Variants in FOXP1 observed in about 807,000 individuals in gnomAD.
FOXP1 encodes forkhead box protein P1.
Under a neutral mutation model 98.2 loss-of-function variants are expected in FOXP1, and 15 were observed. The ratio of observed to expected loss-of-function variants is 0.15; its 90% CI spans 0.10 to 0.24. The LOEUF (loss-of-function observed/expected upper bound fraction) is 0.24, where lower values mean the gene tolerates loss of function less well. Ranked by LOEUF, FOXP1 falls within the 10% of genes least tolerant of loss-of-function variation. The probability of loss-of-function intolerance (pLI) is 1.00; values close to 1 mark genes in which losing one functional copy is unlikely to be tolerated. For synonymous variants in FOXP1, 371 were observed against 314.5 expected (o/e 1.18, Z -1.90); for missense variants, 633 against 848.5 (o/e 0.75, Z 3.15).
At chr3:71,036,979 C>G (rs2047680383) in intron 11 of FOXP1, among the ~76,000 whole-genome samples, 1 of 152,118 alleles carries the variant, frequency 6.6e-6, no homozygotes, top group African/African-American at 2.4e-5. Flanking sequence ...TACTATTTTG[C>G]AGACTAAAAC....
At chr3:71,533,409 ACATTT>A (rs1168039150) in intron 2 of FOXP1, among the ~76,000 whole-genome samples, 1 of 152,248 alleles carries the variant, frequency 6.6e-6, no homozygotes, top group Admixed American at 6.5e-5. Flanking sequence ...ATTCTTAATA[ACATTT>A]CATTTCCTCT....
At chr3:71,379,739 G>C (rs2079999729) in intron 3 of FOXP1, among the ~76,000 whole-genome samples, 1 of 152,186 alleles carries the variant, frequency 6.6e-6, no homozygotes, top group South Asian at 2.1e-4. Context: ...ATTGCTTCTT[G>C]CTGATCTGGG....
In FOXP1 at chr3:71,396,973, T is replaced by TATATATGTACAC. The variant is rs2081463189; in HGVS notation, c.-167-37730_-167-37729insGTGTACATATAT. On this transcript the variant is annotated intron_variant, in intron 3 of 20. Transcript: ENST00000649528. ...GTGTATATATATATATGTGTGTATA[T>TATATATGTACAC]ATATATATGTGTATATATATACACA... is the stretch of plus-strand genomic sequence containing the variant. 5.8e-4 allele frequency among the ~76,000 whole-genome samples: 16 copies of TATATATGTACAC among 27,390 alleles called. 1 individual carries two copies. The highest frequency in any genetic ancestry group is 2.2e-3 in the African/African-American group (16 of 7,236). The allele number at this position is 27,390 out of a possible 152,430, so 18.0% of individuals were successfully genotyped here.
At chr3:71,113,910 ATAT>A (rs948276570) in intron 6 of FOXP1, among the ~76,000 whole-genome samples, 1 of 152,152 alleles carries the variant, frequency 6.6e-6, no homozygotes, top group African/African-American at 2.4e-5. Flanking sequence ...AAGTTTGAGG[ATAT>A]CATGCTAGAA....
intron 6 of FOXP1, 184 bp downstream of exon 6, chr3:71,198,018 C>T: frequency 6.2e-7 from 1 of 1,614,264 alleles, no homozygotes; most frequent in Non-Finnish European, 8.5e-7. Context: ...AAATTAGTCT[C>T]TTAAGCCAAC....
chr3:71,194,385 T>C (rs2063179667), intron 6 of FOXP1, among the ~76,000 whole-genome samples: 1 of 152,206 alleles, frequency 6.6e-6, no homozygotes, highest in Non-Finnish European at 1.5e-5. Flanking sequence ...TTTTCTAGTA[T>C]GCATTCTGTT....
In FOXP1 at chr3:71,583,633, A is replaced by G. The variant is rs1254122302; in HGVS notation, c.-509T>C. The G allele has an allele frequency of 1.0e-6, 1 of 972,636 alleles. No individual in the cohort carries two copies. The highest frequency in any genetic ancestry group is 1.2e-6 in the Non-Finnish European group (1 of 826,170). The allele number at this position is 972,636 out of a possible 1,614,324, so 60.3% of individuals were successfully genotyped here. A position where few individuals can be genotyped will look rare whatever the true frequency, so the allele number is the denominator to read the frequency against. Reference sequence around the variant, plus strand: ...TTCGGGCCTTTCCCCGCGCGCGCCCACTCCCGCCCGCGCGCGCACCCCGCG... The same window carrying G: ...TTCGGGCCTTTCCCCGCGCGCGCCCGCTCCCGCCCGCGCGCGCACCCCGCG... On this transcript the variant is annotated 5_prime_UTR_variant, in exon 1 of 21. Coordinates refer to ENST00000649528, the MANE Select transcript of FOXP1 (RefSeq NM_001349338.3).
intron 2 of FOXP1, among the ~76,000 whole-genome samples, chr3:71,520,639 A>T (rs1387891739): frequency 1.3e-5 from 2 of 152,258 alleles, no homozygotes; most frequent in African/African-American, 4.8e-5. Context: ...TTCAGATCTA[A>T]AATGTTCTAG....
intron 5 of FOXP1, among the ~76,000 whole-genome samples, chr3:71,239,300 T>A (rs1485891412): frequency 6.6e-6 from 1 of 152,144 alleles, no homozygotes; most frequent in Non-Finnish European, 1.5e-5. Context: ...TCCCAGCACT[T>A]TGGGAGGCCG....
intron 7 of FOXP1, among the ~76,000 whole-genome samples, chr3:71,106,108 C>CT (rs1223961687): frequency 6.6e-6 from 1 of 152,180 alleles, no homozygotes; most frequent in Non-Finnish European, 1.5e-5. Flanking sequence ...GTTAATCTCT[C>CT]TGTTTCCATC....
At chr3:71,175,278 C>T (rs6763814) in intron 6 of FOXP1, among the ~76,000 whole-genome samples, 27,828 of 152,116 alleles carry the variant, frequency 0.18, 2,713 homozygotes, top group East Asian at 0.25. Context: ...GCATGTACTT[C>T]ATTTCTCATT....
At chr3:71,404,223 G>C (rs1174515063) in intron 3 of FOXP1, among the ~76,000 whole-genome samples, 1 of 139,080 alleles carries the variant, frequency 7.2e-6, no homozygotes, top group Non-Finnish European at 1.5e-5. Flanking sequence ...CGCCTCCCAG[G>C]TTCAAGTGAT....
chr3:71,409,789 G>C (rs925082296), intron 3 of FOXP1, among the ~76,000 whole-genome samples: 1 of 152,272 alleles, frequency 6.6e-6, no homozygotes, highest in East Asian at 1.9e-4. Flanking sequence ...TGAGGCAGGC[G>C]AATCACTTGA....
At chr3:71,583,129 G>T (rs984377750) in intron 1 of FOXP1, among the ~76,000 whole-genome samples, 1 of 152,114 alleles carries the variant, frequency 6.6e-6, no homozygotes, top group South Asian at 2.1e-4. Context: ...CGAAAGTTGC[G>T]CCAGGCGGCC....
chr3:71,171,397 T>G (rs1242436855), intron 6 of FOXP1, among the ~76,000 whole-genome samples: 4 of 152,200 alleles, frequency 2.6e-5, no homozygotes, highest in African/African-American at 4.8e-5. Context: ...ATTTTCGCTA[T>G]TCCTGGGGGA....
At chr3:71,024,196 G>T (rs138498889) in intron 11 of FOXP1, among the ~76,000 whole-genome samples, 1 of 152,290 alleles carries the variant, frequency 6.6e-6, no homozygotes, top group Non-Finnish European at 1.5e-5. Context: ...CAGGAGAAAC[G>T]ACGATGCAAG....
At chr3:71,252,285 T>C (rs1444311581) in intron 5 of FOXP1, among the ~76,000 whole-genome samples, 1 of 152,200 alleles carries the variant, frequency 6.6e-6, no homozygotes, top group Non-Finnish European at 1.5e-5. Flanking sequence ...TCAGACATTA[T>C]TAAGATGCCA....
chr3:71,017,510 G>GA (rs138008805), intron 11 of FOXP1, among the ~76,000 whole-genome samples: 14,667 of 146,174 alleles, frequency 0.1, 1,434 homozygotes, highest in East Asian at 0.5. Context: ...ATCCTGAAAA[G>GA]AAAAAAAAAA....
intron 4 of FOXP1, among the ~76,000 whole-genome samples, chr3:71,301,176 G>C (rs1484650889): frequency 2.0e-5 from 3 of 152,126 alleles, no homozygotes; most frequent in Non-Finnish European, 4.4e-5. Flanking sequence ...CTAGCTCTGG[G>C]ACTTAAAATT....
Sources: allele counts gnomAD v4.1 joint callset (sites outside exome capture counted in the v4.1 genomes callset), GRCh38; gene constraint gnomAD v4.1.1; transcripts MANE v1.5; gene names NCBI Gene and HGNC (gene_info 2026-07-23, HGNC 2026-07-21).